Variants in GRK6 observed in about 807,000 individuals in gnomAD.
The protein encoded by GRK6 is G protein-coupled receptor kinase 6.
Under a neutral mutation model 80.8 loss-of-function variants are expected in GRK6, and 37 were observed. That is an observed-to-expected ratio of 0.46 (90% CI 0.35 to 0.60). The LOEUF (loss-of-function observed/expected upper bound fraction) is 0.60. Among genes scored for constraint, GRK6 ranks in the 20% least tolerant of loss-of-function variants. The pLI is 0.00. For synonymous variants in GRK6, 295 were observed against 320.9 expected (o/e 0.92, Z 0.86); for missense variants, 560 against 784.6 (o/e 0.71, Z 3.42).
chr5:177,429,826 A>G lies in GRK6; in HGVS notation c.53-1046A>G, dbSNP rs1048056107. Among the ~76,000 whole-genome samples the G allele has an allele frequency of 2.0e-5, 3 of 152,190 alleles. No individual in the cohort carries two copies. The highest frequency in any genetic ancestry group is 7.2e-5 in the African/African-American group (3 of 41,442). ...TGACTCAGCCCTACTTGATGTGGAC[A>G]GTGTCTCCCATTCACTACGTAACAC... On this transcript the variant is annotated intron_variant, in intron 1 of 15. Transcript: ENST00000355472. This position sits in a 1 kb window ranked among gnomAD's most constrained non-coding sequence, Gnocchi z 4.3.
At position 177,440,946 on chromosome 5, in the gene GRK6, C is replaced by A; in HGVS notation, c.1570C>A (p.Leu524Met). Residue 524 changes from leucine (L) to methionine (M), a missense_variant, in exon 15 of 16, where the codon CTG becomes ATG. By Grantham distance (15) the Leu-to-Met change is conservative. This residue lies in a region of GRK6 where 294 missense variants were observed against 397.4 expected (regional missense o/e 0.74). Coordinates refer to ENST00000355472, the MANE Select transcript of GRK6 (RefSeq NM_001004106.3). Reference sequence around the variant, plus strand: ...GGTGGAGACCGAGTGCTTCCAAGAGCTGAATGTCTTTGGGCTGGATGGCTC... The same window carrying A: ...GGTGGAGACCGAGTGCTTCCAAGAGATGAATGTCTTTGGGCTGGATGGCTC... ...EMVETECFQE[L>M]NVFGLDGSVP... is the part of the protein sequence containing the mutation. 1 of 1,614,012 alleles carries A rather than the reference C, an allele frequency of 6.2e-7. No homozygotes were observed. Among genetic ancestry groups the A allele is most frequent in the Non-Finnish European group, 8.5e-7 (1 of 1,180,004 alleles).
intron 13 of GRK6, among the ~76,000 whole-genome samples, chr5:177,439,645 A>AG (rs1443890921): frequency 2.6e-5 from 4 of 151,932 alleles, no homozygotes; most frequent in African/African-American, 7.2e-5. Context: ...CTGCAAAAAA[A>AG]AAAAAAACCC....
chr5:177,425,528 ATTTG>A (rs1160815736), upstream of GRK6, among the ~76,000 whole-genome samples: 4 of 152,122 alleles, frequency 2.6e-5, no homozygotes, highest in African/African-American at 9.7e-5. Flanking sequence ...GAAACCATCT[ATTTG>A]TTTATTTACA....
chr5:177,441,779 A>G lies in GRK6; in HGVS notation c.1720A>G (p.Thr574Ala). 1 of 1,585,664 alleles carries G rather than the reference A, an allele frequency of 6.3e-7. No homozygotes were observed. Among genetic ancestry groups the G allele is most frequent in the East Asian group, 2.3e-5 (1 of 42,864 alleles). Residue 574 changes from threonine to alanine, a missense_variant, in exon 16 of 16, where the codon ACC (threonine) becomes GCC (alanine). Thr to Ala is a moderately conservative substitution (Grantham distance 58). Around this residue, in one of 3 missense-constraint regions of GRK6, gnomAD observed 294 missense variants for 397.4 expected, o/e 0.74. Transcript: ENST00000355472. ...CAGCGACAGCGAGGAAGAGCTCCCC[A>G]CCCGCCTCTAGCCCCCAGCCCGAGG... ...NCSDSEEELP[T>A]RL
At chr5:177,437,722 C>CTG (rs1764228820) in intron 13 of GRK6, among the ~76,000 whole-genome samples, 1 of 152,206 alleles carries the variant, frequency 6.6e-6, no homozygotes, top group African/African-American at 2.4e-5. Context: ...TGACTCTTTC[C>CTG]CTCCCCCTGA....
chr5:177,436,367 G>A, intron 12 of GRK6, 26 bp from the exon 13 acceptor site: 1 of 1,592,826 alleles, frequency 6.3e-7, no homozygotes, highest in Non-Finnish European at 8.6e-7. Flanking sequence ...TGCCTGGCCT[G>A]CCTGGCCGAC....
At chr5:177,439,899 C>T (rs1166853577) in intron 13 of GRK6, 1 of 152,246 alleles carries the variant, frequency 6.6e-6, no homozygotes, top group African/African-American at 2.4e-5. Context: ...CATGGATAGA[C>T]CACATTTTCC....
intron 13 of GRK6, among the ~76,000 whole-genome samples, chr5:177,438,260 C>G (rs941143889): frequency 1.3e-5 from 2 of 151,988 alleles, no homozygotes; most frequent in Admixed American, 6.6e-5. Flanking sequence ...CCCAGCTACT[C>G]GGCAGACTGA....
chr5:177,434,889 T>C lies in GRK6; in HGVS notation c.930-13T>C. The C allele has an allele frequency of 6.2e-7, 1 of 1,613,110 alleles. No homozygotes were observed. Among genetic ancestry groups the C allele is most frequent in the Non-Finnish European group, 8.5e-7 (1 of 1,179,738 alleles). On this transcript the variant is annotated splice_polypyrimidine_tract_variant and intron_variant, in intron 9 of 15. Coordinates refer to ENST00000355472, the MANE Select transcript of GRK6 (RefSeq NM_001004106.3). Reference sequence around the variant, plus strand: ...ACTGAGCAGCATCTGACCCTGCTCTTCTCTCTGCACAGGGACCTGAAGCCC... The same window carrying C: ...ACTGAGCAGCATCTGACCCTGCTCTCCTCTCTGCACAGGGACCTGAAGCCC...
At position 177,433,913 on chromosome 5, in the gene GRK6, G is replaced by A. The variant is rs1339054743; in HGVS notation, c.739-1G>A. ...GAGGGCTCGGGTCCCCTCGGCCACA[G>A]GTGAGCTTGGCCTACGCCTATGAGA... On this transcript the variant is annotated splice_acceptor_variant, in intron 8 of 15. Coordinates refer to ENST00000355472, the MANE Select transcript of GRK6 (RefSeq NM_001004106.3). LOFTEE classifies it high-confidence loss of function. The A allele has an allele frequency of 6.4e-7, 1 of 1,564,282 alleles. No individual in the cohort carries two copies. The highest frequency in any genetic ancestry group is 1.4e-5 in the African/African-American group (1 of 73,558).
rs1043296509 is a variant in GRK6, at chr5:177,430,715, G to T, written c.53-157G>T. 5.8e-5 allele frequency: 37 copies of T among 638,310 alleles called. No homozygotes were observed. In the East Asian group the frequency reaches 1.0e-3, roughly 18 times the overall value. 39.5% of individuals were successfully genotyped at this position (638,310 alleles called of 1,614,324 possible). On this transcript the variant is annotated intron_variant, in intron 1 of 15. Transcript: ENST00000355472. ...AGAAGCACGTGTGTCCTGGAACGCA[G>T]CAAGGGCGTGCTGGAGCGTGCAGAG...
intron 2 of GRK6, among the ~76,000 whole-genome samples, chr5:177,431,531 A>G (rs1367561992): frequency 6.6e-6 from 1 of 152,246 alleles, no homozygotes; most frequent in Non-Finnish European, 1.5e-5. Context: ...GCACGTGCGC[A>G]GAGCACACCC....
intron 13 of GRK6, among the ~76,000 whole-genome samples, chr5:177,439,562 C>T (rs1182159257): frequency 1.3e-5 from 2 of 149,150 alleles, no homozygotes; most frequent in Non-Finnish European, 3.0e-5. Flanking sequence ...AAAAAAAGTG[C>T]AATTCATTGG....
At chr5:177,426,924 C>T (rs746822984) in intron 1 of GRK6, 27 bp downstream of exon 1, 230 of 1,337,152 alleles carry the variant, frequency 1.7e-4, no homozygotes, top group Admixed American at 9.8e-4. Context: ...GGCGGCCGGG[C>T]CCGGGTGCGT....
upstream of GRK6, among the ~76,000 whole-genome samples, chr5:177,425,558 T>C (rs542704428): frequency 2.0e-5 from 3 of 152,350 alleles, no homozygotes; most frequent in South Asian, 6.2e-4. Flanking sequence ...ATTACCTTTA[T>C]CTCACCCTGC....
Position 177,433,548 on chromosome 5 carries a change from C to T in GRK6, c.610C>T (p.Gln204Ter), listed in dbSNP as rs1764005455. Reference sequence around the variant, plus strand: ...TGTCTGGCCACAGGTGTGCGCCTGCCAGGTGCGGGCCACAGGTAAGATGTA... The same window carrying T: ...TGTCTGGCCACAGGTGTGCGCCTGCTAGGTGCGGGCCACAGGTAAGATGTA... ...KGGFGEVCAC[Q>*]VRATGKMYAC... The change falls in exon 8 of 16, where the codon CAG (glutamine) becomes TAG (stop). Residue 204 changes from glutamine to a stop codon, truncating the protein, a stop_gained. Coordinates refer to ENST00000355472, the MANE Select transcript of GRK6 (RefSeq NM_001004106.3). LOFTEE classifies it high-confidence loss of function. 6.2e-7 allele frequency: 1 copy of T among 1,614,024 alleles called. No homozygotes were observed.
chr5:177,432,891 G>A (rs1220351253), intron 5 of GRK6, 85 bp downstream of exon 5: 1 of 1,111,812 alleles, frequency 9.0e-7, no homozygotes, highest in Non-Finnish European at 1.3e-6. Flanking sequence ...ACAGCTCGGT[G>A]GCTGGTGAGG....
At chr5:177,436,698 G>T (rs974902421) in intron 13 of GRK6, 168 bp downstream of exon 13, 2 of 701,730 alleles carry the variant, frequency 2.9e-6, no homozygotes, top group Non-Finnish European at 2.3e-6. Context: ...CCCAGGATGG[G>T]TCTGGCTTGT....
chr5:177,426,768 G>C lies in GRK6; in HGVS notation c.-78G>C. The C allele has an allele frequency of 1.3e-6, 1 of 775,260 alleles. No individual in the cohort carries two copies. Among genetic ancestry groups the C allele is most frequent in the Non-Finnish European group, 1.6e-6 (1 of 637,616 alleles). The allele number at this position is 775,260 out of a possible 1,614,324, so 48.0% of individuals were successfully genotyped here. A position where few individuals can be genotyped will look rare whatever the true frequency, so the allele number is the denominator to read the frequency against. Reference sequence around the variant, plus strand: ...GAGCCGAGCCGCGCCGAGCCGCGCCGATCGCCATCCGGCCTCGGCACTCGC... The same window carrying C: ...GAGCCGAGCCGCGCCGAGCCGCGCCCATCGCCATCCGGCCTCGGCACTCGC... On this transcript the variant is annotated 5_prime_UTR_variant, in exon 1 of 16. Coordinates refer to ENST00000355472, the MANE Select transcript of GRK6 (RefSeq NM_001004106.3).
Sources: gnomAD v4.1 joint callset for allele counts (sites outside exome capture counted in the v4.1 genomes callset) on GRCh38, gnomAD v4.1.1 for gene constraint, gnomAD v4.1.1 regional missense constraint, Gnocchi (gnomAD v3.1) non-coding constraint, MANE v1.5 for transcripts, NCBI Gene and HGNC (gene_info 2026-07-23, HGNC 2026-07-21) for gene names.